SERINC5: variants seen among roughly 807,000 people sequenced by gnomAD.
SERINC5 encodes chromosome 5 open reading frame 12.
SERINC5 carries 41 observed loss-of-function variants against 63.1 expected under a neutral mutation model. The observed-to-expected ratio is 0.65, with a 90% confidence interval of 0.51 to 0.84. The LOEUF (loss-of-function observed/expected upper bound fraction) is 0.84, where lower values mean the gene tolerates loss of function less well. Ranked by LOEUF, SERINC5 falls within the 40% of genes least tolerant of loss-of-function variation. The probability of loss-of-function intolerance (pLI) is 0.00; values close to 1 mark genes in which losing one functional copy is unlikely to be tolerated. For synonymous variants in SERINC5, 222 were observed against 215.2 expected, an observed-to-expected ratio of 1.03 and a Z score of -0.28; for missense variants, 523 against 573.0, an observed-to-expected ratio of 0.91 and a Z score of 0.89.
intron 1 of SERINC5, 102 bp from the exon 2 acceptor site, chr5:80,203,155 G>A: frequency 1.7e-6 from 2 of 1,153,798 alleles, no homozygotes. Context: ...CTGCTACTCG[G>A]GGGGCTGGAG....
Position 80,169,512 on chromosome 5 carries a change from C to A in SERINC5, c.586G>T (p.Ala196Ser), listed in dbSNP as rs773482562. The A allele has an allele frequency of 6.2e-7, 1 of 1,613,746 alleles. No individual in the cohort carries two copies. ...AGTASNKLWY[A>S]SLALVTLIMY... is the part of the protein sequence containing the mutation. ...ATGAGCGTCACCAGGGCCAGGGAGG[C>A]GTACCACAGCTTGTTACTGGCTGTG... Residue 196 changes from alanine (A) to serine (S), a missense_variant, in exon 6 of 12, where the codon GCC (alanine) becomes TCC (serine). Ala to Ser is a moderately conservative substitution (Grantham distance 99). Transcript: ENST00000507668.
chr5:80,117,077 C>T (rs1404761742), intron 11 of SERINC5, among the ~76,000 whole-genome samples: 2 of 151,950 alleles, frequency 1.3e-5, no homozygotes, highest in African/African-American at 4.8e-5. Context: ...GCGATCCGCC[C>T]GCCTCAGCCT....
intron 1 of SERINC5, among the ~76,000 whole-genome samples, chr5:80,252,224 G>C (rs1195061117): frequency 6.6e-6 from 1 of 151,908 alleles, no homozygotes; most frequent in African/African-American, 2.4e-5. Flanking sequence ...CATCACGCCT[G>C]GCTAATTTTT....
chr5:80,198,097 C>CA (rs1443402953), intron 2 of SERINC5, among the ~76,000 whole-genome samples: 1 of 152,038 alleles, frequency 6.6e-6, no homozygotes, highest in Non-Finnish European at 1.5e-5. Flanking sequence ...CTCAGCCTCC[C>CA]AAAGTGCTGA....
At chr5:80,174,418 C>G (rs1747887088) in intron 5 of SERINC5, among the ~76,000 whole-genome samples, 1 of 97,818 alleles carries the variant, frequency 1.0e-5, no homozygotes, top group Non-Finnish European at 2.2e-5. Flanking sequence ...AAAAAGAAAA[C>G]AAAAGGGTAC....
intron 5 of SERINC5, among the ~76,000 whole-genome samples, chr5:80,171,256 C>T (rs1439795695): frequency 6.6e-6 from 1 of 152,114 alleles, no homozygotes; most frequent in East Asian, 1.9e-4. Context: ...ATCCACCCAC[C>T]TCTGCCTCCC....
chr5:80,171,340 TAA>T (rs1269016590), intron 5 of SERINC5, among the ~76,000 whole-genome samples: 2 of 152,100 alleles, frequency 1.3e-5, no homozygotes, highest in East Asian at 3.9e-4. Context: ...AATAAACTTT[TAA>T]AAACAGAAAC....
chr5:80,182,678 T>C (rs1245527783), intron 2 of SERINC5, among the ~76,000 whole-genome samples: 1 of 151,830 alleles, frequency 6.6e-6, no homozygotes, highest in African/African-American at 2.4e-5. Flanking sequence ...CCAGAGTAGC[T>C]GGGATTACAG....
Position 80,143,527 on chromosome 5 carries a change from ATT to A in SERINC5, c.*134_*135del. 5 of 1,083,908 alleles carry A rather than the reference ATT, an allele frequency of 4.6e-6. No individual in the cohort carries two copies. The highest frequency in any genetic ancestry group is 4.6e-5 in the South Asian group (2 of 43,054). 67.1% of individuals were successfully genotyped at this position (1,083,908 alleles called of 1,614,324 possible). ...TCAAAAGTAAAAAGCTAATCAGGAG[ATT>A]TTTTTTTTTCTCTCTCAAAGCTTTT... On this transcript the variant is annotated 3_prime_UTR_variant, in exon 12 of 12. Transcript: ENST00000507668.
chr5:80,156,993 CTTTTTTTTTTT>C (rs376131718), intron 8 of SERINC5: 3 of 124,692 alleles, frequency 2.4e-5, no homozygotes, highest in Non-Finnish European at 3.4e-5. Context: ...TTTTTTTTTT[CTTTTTTTTTTT>C]TTTTTTTGAA....
At chr5:80,255,270 A>T (rs1485738931) in intron 1 of SERINC5, 1 of 152,642 alleles carries the variant, frequency 6.6e-6, no homozygotes, top group Non-Finnish European at 1.5e-5. Flanking sequence ...GGAAGGTTCC[A>T]GCCCTACCCA....
intron 1 of SERINC5, among the ~76,000 whole-genome samples, chr5:80,225,476 A>G (rs1221581128): frequency 2.0e-5 from 3 of 152,236 alleles, no homozygotes; most frequent in Non-Finnish European, 4.4e-5. Context: ...CCATTCCACA[A>G]GGCAGGCAGG....
At chr5:80,167,794 G>A (rs1747400684) in intron 6 of SERINC5, among the ~76,000 whole-genome samples, 1 of 152,184 alleles carries the variant, frequency 6.6e-6, no homozygotes, top group South Asian at 2.1e-4. Flanking sequence ...AGAGTAACCA[G>A]GATGTGATAA....
chr5:80,201,991 CT>C (rs1749866401), intron 2 of SERINC5, among the ~76,000 whole-genome samples: 1 of 152,054 alleles, frequency 6.6e-6, no homozygotes, highest in Admixed American at 6.5e-5. Flanking sequence ...AATCCCAGCA[CT>C]TTTGGGAGGC....
intron 7 of SERINC5, among the ~76,000 whole-genome samples, chr5:80,161,222 G>C (rs1746903365): frequency 6.6e-6 from 1 of 151,932 alleles, no homozygotes; most frequent in African/African-American, 2.4e-5. Context: ...ACCCAGTAGT[G>C]GGATTGCTGA....
chr5:80,181,444 G>GTGTGTT (rs766661700), intron 2 of SERINC5, among the ~76,000 whole-genome samples: 1 of 151,612 alleles, frequency 6.6e-6, no homozygotes, highest in Non-Finnish European at 1.5e-5. Context: ...GTGTGTGTGT[G>GTGTGTT]TACAGTTGGT....
At chr5:80,241,561 C>T (rs1316316542) in intron 1 of SERINC5, among the ~76,000 whole-genome samples, 1 of 151,940 alleles carries the variant, frequency 6.6e-6, no homozygotes, top group African/African-American at 2.4e-5. Context: ...GAACAAAGAA[C>T]AGAAGAGGAA....
chr5:80,227,140 C>T (rs60823172), intron 1 of SERINC5, among the ~76,000 whole-genome samples: 47,741 of 151,928 alleles, frequency 0.31, 7,673 homozygotes, highest in Admixed American at 0.4. Context: ...AGGTGATCCA[C>T]CCACCTCAGC....
downstream of SERINC5, among the ~76,000 whole-genome samples, chr5:80,111,465 C>T (rs150861910): frequency 1.1e-3 from 173 of 152,318 alleles, 3 homozygotes; most frequent in African/African-American, 3.9e-3. Flanking sequence ...AGGTGATAGA[C>T]GCTGGGCTTT....
Sources: allele counts gnomAD v4.1 joint callset (sites outside exome capture counted in the v4.1 genomes callset), GRCh38; gene constraint gnomAD v4.1.1; transcripts MANE v1.5; gene names NCBI Gene and HGNC (gene_info 2026-07-23, HGNC 2026-07-21).